LARP4B: variants seen among roughly 807,000 people sequenced by gnomAD.
LARP4B encodes the protein La ribonucleoprotein 4B.
LARP4B carries 12 observed loss-of-function variants against 89.8 expected under a neutral mutation model. The ratio of observed to expected loss-of-function variants is 0.13; its 90% CI spans 0.09 to 0.22. The LOEUF is 0.22. LARP4B is among the 10% of genes least tolerant of loss of function. The pLI, the probability that LARP4B is intolerant of heterozygous loss-of-function variation, is 1.00. For synonymous variants in LARP4B, 367 were observed against 363.3 expected (o/e 1.01, Z -0.12); for missense variants, 757 against 947.7 (o/e 0.80, Z 2.64).
the LARP4B span, among the ~76,000 whole-genome samples, chr10:965,516 G>A: frequency 2.6e-5 from 4 of 152,186 alleles, no homozygotes; most frequent in Admixed American, 6.5e-5. Context: ...CACCAAGAAC[G>A]CAGCAGACGC....
At chr10:916,871 A>G (rs1836835798) in intron 1 of LARP4B, among the ~76,000 whole-genome samples, 1 of 151,850 alleles carries the variant, frequency 6.6e-6, no homozygotes, top group Non-Finnish European at 1.5e-5. Flanking sequence ...TAATTTTTCT[A>G]TTTTTTGTCG....
At chr10:904,630 C>T (rs1359405330) in intron 1 of LARP4B, among the ~76,000 whole-genome samples, 1 of 151,722 alleles carries the variant, frequency 6.6e-6, no homozygotes, top group African/African-American at 2.4e-5. Flanking sequence ...ATACATAAAA[C>T]ACAGTGTACA....
chr10:893,964 T>C (rs914262810), intron 1 of LARP4B, among the ~76,000 whole-genome samples: 1 of 152,194 alleles, frequency 6.6e-6, no homozygotes, highest in Non-Finnish European at 1.5e-5. Context: ...CTCGATGAAC[T>C]GCATTTCTGA....
chr10:928,183 T>C (rs1014573289), intron 1 of LARP4B, among the ~76,000 whole-genome samples: 4 of 151,314 alleles, frequency 2.6e-5, no homozygotes, highest in Non-Finnish European at 5.9e-5. Flanking sequence ...GAACGCACCA[T>C]TGCACTCCAG....
chr10:936,771 C>A (rs1478706688), upstream of LARP4B, among the ~76,000 whole-genome samples: 4 of 152,086 alleles, frequency 2.6e-5, no homozygotes, highest in Non-Finnish European at 4.4e-5. Context: ...AAGAAAGACC[C>A]TTAGAAGGTT....
intron 8 of LARP4B, among the ~76,000 whole-genome samples, chr10:835,247 G>A (rs1315300218): frequency 6.6e-6 from 1 of 152,168 alleles, no homozygotes; most frequent in Non-Finnish European, 1.5e-5. Flanking sequence ...TCTTACGCTA[G>A]GCAGAGAGCT....
chr10:816,145 C>A (rs1380127817), intron 15 of LARP4B, among the ~76,000 whole-genome samples: 1 of 152,260 alleles, frequency 6.6e-6, no homozygotes, highest in African/African-American at 2.4e-5. Flanking sequence ...AGGAGAATCA[C>A]TGGAACCCAG....
chr10:975,969 T>G, the LARP4B span, among the ~76,000 whole-genome samples: 3 of 146,446 alleles, frequency 2.0e-5, no homozygotes, highest in Non-Finnish European at 4.5e-5. Context: ...GGACCCGGCC[T>G]AGTAGAAGGT....
the LARP4B span, chr10:973,088 G>C: frequency 2.8e-6 from 1 of 360,294 alleles, no homozygotes; most frequent in Non-Finnish European, 5.4e-6. Flanking sequence ...CTGTGCTGCG[G>C]GCTGCCTTTC....
intron 5 of LARP4B, among the ~76,000 whole-genome samples, chr10:853,860 A>G (rs1400723673): frequency 6.6e-6 from 1 of 152,216 alleles, no homozygotes; most frequent in Non-Finnish European, 1.5e-5. Context: ...AGCGAAGTAT[A>G]TCACGTGGAC....
Position 820,809 on chromosome 10 carries a change from C to T in LARP4B, c.1521G>A (p.Glu507=), listed in dbSNP as rs770956802. The T allele has an allele frequency of 1.2e-6, 2 of 1,613,368 alleles. No individual in the cohort carries two copies. The highest frequency in any genetic ancestry group is 1.7e-5 in the Admixed American group (1 of 59,986). The change falls in exon 14 of 18, where the codon GAG becomes GAA. Residue 507 remains glutamate, a synonymous_variant. Coordinates refer to ENST00000316157, the MANE Select transcript of LARP4B (RefSeq NM_015155.3). ...TGCTTTATGTACTCACTGTAAACTT[C>T]TCCTCCCTTTTCTTCCGGTAGCCAA... ...NSFGYRKKRE[E]KFTSSQTQSP...
chr10:984,176 A>G, the LARP4B span, among the ~76,000 whole-genome samples: 1 of 152,204 alleles, frequency 6.6e-6, no homozygotes, highest in Admixed American at 6.5e-5. Context: ...CTGCTTAACC[A>G]GCTTCCAGAA....
At chr10:975,906 C>T in the LARP4B span, among the ~76,000 whole-genome samples, 1 of 149,892 alleles carries the variant, frequency 6.7e-6, no homozygotes, top group East Asian at 2.0e-4. Flanking sequence ...GTAGGCCTGT[C>T]GTGCAACGTG....
At chr10:896,489 G>A (rs1223213092) in intron 1 of LARP4B, among the ~76,000 whole-genome samples, 1 of 152,136 alleles carries the variant, frequency 6.6e-6, no homozygotes, top group Non-Finnish European at 1.5e-5. Flanking sequence ...TATTAAGTCA[G>A]ACATTAAAGA....
chr10:927,003 G>A (rs1253756803), intron 1 of LARP4B, among the ~76,000 whole-genome samples: 1 of 151,126 alleles, frequency 6.6e-6, no homozygotes, highest in Admixed American at 6.6e-5. Flanking sequence ...TCGTGCCAGT[G>A]CGCTCCAGCC....
the LARP4B span, among the ~76,000 whole-genome samples, chr10:975,491 A>G: frequency 4.6e-5 from 7 of 152,348 alleles, no homozygotes; most frequent in African/African-American, 1.4e-4. Flanking sequence ...AGATTTTCAT[A>G]TACAAAATGT....
chr10:959,889 A>C, the LARP4B span, among the ~76,000 whole-genome samples: 10 of 131,772 alleles, frequency 7.6e-5, no homozygotes, highest in African/African-American at 3.0e-4. Flanking sequence ...CTCCTCGTCA[A>C]TCCACCTCCT....
chr10:843,115 A>AAGTTTCACCTACTGTAATTCC, intron 6 of LARP4B, 47 bp from the exon 7 acceptor site: 1 of 1,547,444 alleles, frequency 6.5e-7, no homozygotes, highest in Non-Finnish European at 8.9e-7. Flanking sequence ...CTTTAAAAGG[A>AAGTTTCACCTACTGTAATTCC]AGTTTCACCT....
At chr10:833,274 AAAAAAAAAAAC>A (rs1833013924) in intron 8 of LARP4B, among the ~76,000 whole-genome samples, 2 of 143,932 alleles carry the variant, frequency 1.4e-5, no homozygotes, top group African/African-American at 2.5e-5. Context: ...AAAAAAAAAA[AAAAAAAAAAAC>A]CTCAAAATGT....
Sources: allele counts gnomAD v4.1 joint callset (sites outside exome capture counted in the v4.1 genomes callset), GRCh38; gene constraint gnomAD v4.1.1; transcripts MANE v1.5; gene names NCBI Gene and HGNC (gene_info 2026-07-23, HGNC 2026-07-21).